The following NAALADL2 variants were observed in gnomAD, a reference collection of about 807,000 sequenced individuals.
NAALADL2 encodes N-acetylated alpha-linked acidic dipeptidase like 2, also known as inactive N-acetylated-alpha-linked acidic dipeptidase-like protein 2.
A neutral mutation model predicts 87.2 loss-of-function variants in NAALADL2; 76 were observed. The ratio of observed to expected loss-of-function variants is 0.87; its 90% CI spans 0.72 to 1.05. The LOEUF (loss-of-function observed/expected upper bound fraction) is 1.05, where lower values mean the gene tolerates loss of function less well. Among genes scored for constraint, NAALADL2 ranks in the 50% least tolerant of loss-of-function variants. The pLI, the probability that NAALADL2 is intolerant of heterozygous loss-of-function variation, is 0.00. For missense variants in NAALADL2, 1,089 were observed against 945.8 expected, an observed-to-expected ratio of 1.15 and a Z score of -1.99; for synonymous variants, 354 against 331.0, an observed-to-expected ratio of 1.07 and a Z score of -0.75.
chr3:175,080,001 T>C (rs1246983468), intron 1 of NAALADL2, among the ~76,000 whole-genome samples: 1 of 151,728 alleles, frequency 6.6e-6, no homozygotes, highest in Non-Finnish European at 1.5e-5. Flanking sequence ...AGTCTCTCTT[T>C]GTCACCCAGG....
intron 5 of NAALADL2, 135 bp from the exon 6 acceptor site, chr3:175,447,094 C>G: frequency 1.8e-6 from 1 of 566,786 alleles, no homozygotes; most frequent in Non-Finnish European, 3.0e-6. Flanking sequence ...CAGGGTATAA[C>G]TAAGGAGTAG....
intron 2 of NAALADL2, among the ~76,000 whole-genome samples, chr3:175,230,936 T>C (rs947995987): frequency 6.6e-6 from 1 of 152,114 alleles, no homozygotes; most frequent in South Asian, 2.1e-4. Flanking sequence ...TGCATATGTC[T>C]ATCAGGAAAC....
intron 1 of NAALADL2, among the ~76,000 whole-genome samples, chr3:175,034,543 A>G (rs1560499114): frequency 1.3e-5 from 2 of 152,074 alleles, no homozygotes; most frequent in African/African-American, 4.8e-5. Context: ...TATCAAAGAG[A>G]CTTCCCCTGG....
intron 2 of NAALADL2, among the ~76,000 whole-genome samples, chr3:175,117,711 T>C (rs556210706): frequency 3.2e-4 from 49 of 152,102 alleles, no homozygotes; most frequent in Admixed American, 2.8e-3. Context: ...AGTGCGGCAA[T>C]TCCTCAAGGA....
intron 2 of NAALADL2, among the ~76,000 whole-genome samples, chr3:174,716,992 G>T (rs1017466892): frequency 7.9e-5 from 12 of 151,670 alleles, no homozygotes; most frequent in Non-Finnish European, 1.6e-4. Context: ...TTTTAGAATT[G>T]TTTTTTTTCC....
chr3:175,471,909 A>G (rs1328363691), intron 9 of NAALADL2, among the ~76,000 whole-genome samples, 151 bp downstream of exon 9: 15 of 152,272 alleles, frequency 9.9e-5, no homozygotes, highest in African/African-American at 3.4e-4. Context: ...CATTTTATCA[A>G]TATACCTTAA....
intron 9 of NAALADL2, among the ~76,000 whole-genome samples, chr3:175,509,521 T>A (rs901542081): frequency 6.6e-6 from 1 of 152,240 alleles, no homozygotes; most frequent in Non-Finnish European, 1.5e-5. Context: ...TCCTTTTTTG[T>A]GTATATTATA....
At chr3:174,542,607 C>T (rs1206394600) in intron 1 of NAALADL2, among the ~76,000 whole-genome samples, 2 of 152,074 alleles carry the variant, frequency 1.3e-5, no homozygotes, top group African/African-American at 4.8e-5. Context: ...AGGTAAAAGC[C>T]AGATAAGACT....
chr3:175,057,793 A>G (rs1437184583), intron 1 of NAALADL2, among the ~76,000 whole-genome samples: 1 of 152,230 alleles, frequency 6.6e-6, no homozygotes, highest in Non-Finnish European at 1.5e-5. Context: ...ACTTCAATGT[A>G]AACGGGACTT....
intron 2 of NAALADL2, among the ~76,000 whole-genome samples, chr3:174,680,372 C>T (rs2108824382): frequency 6.6e-6 from 1 of 152,290 alleles, no homozygotes; most frequent in East Asian, 1.9e-4. Flanking sequence ...TTTTGACAGT[C>T]TTTTGATCTG....
At chr3:174,535,284 A>G (rs928499015) in intron 1 of NAALADL2, among the ~76,000 whole-genome samples, 3 of 152,212 alleles carry the variant, frequency 2.0e-5, no homozygotes, top group African/African-American at 7.2e-5. Context: ...TAAAGTACCC[A>G]GATGACTTTT....
intron 11 of NAALADL2, among the ~76,000 whole-genome samples, chr3:175,701,777 A>G (rs1739035508): frequency 6.6e-6 from 1 of 152,220 alleles, no homozygotes; most frequent in African/African-American, 2.4e-5. Flanking sequence ...TTTGTGTTTC[A>G]TATTTCAAAG....
intron 3 of NAALADL2, among the ~76,000 whole-genome samples, chr3:175,235,991 C>T (rs769594463): frequency 1.3e-5 from 2 of 152,070 alleles, no homozygotes; most frequent in South Asian, 2.1e-4. Flanking sequence ...CCTCAATGCC[C>T]GTGCACTTTC....
At position 175,127,509 on chromosome 3, in the gene NAALADL2, A is replaced by G. The variant is rs371478155; in HGVS notation, c.545+30218A>G. The stretch of plus-strand genomic sequence containing the variant: ...GAAATGCCAAGGGCAGACTTTTCCA[A>G]TTATGATGTTGACCATGATATTAAT... On this transcript the variant is annotated intron_variant, in intron 2 of 13. Coordinates refer to ENST00000454872, the MANE Select transcript of NAALADL2 (RefSeq NM_207015.3). Among the ~76,000 whole-genome samples, 33 of 152,302 alleles carry G rather than the reference A, an allele frequency of 2.2e-4. No homozygotes were observed. In the East Asian group the frequency reaches 5.6e-3, roughly 26 times the overall value.
At chr3:175,243,660 G>A (rs1747414982) in intron 3 of NAALADL2, among the ~76,000 whole-genome samples, 1 of 150,090 alleles carries the variant, frequency 6.7e-6, no homozygotes, top group African/African-American at 2.4e-5. Context: ...AGGGTGGAAT[G>A]GACAGAGCCA....
chr3:175,678,575 G>C (rs1041669213), intron 11 of NAALADL2, among the ~76,000 whole-genome samples: 3 of 152,126 alleles, frequency 2.0e-5, no homozygotes, highest in Admixed American at 1.3e-4. Context: ...TCCTTTTTAG[G>C]GACATGGATG....
At chr3:174,846,277 A>C (rs1406302240) in intron 3 of NAALADL2, among the ~76,000 whole-genome samples, 1 of 152,162 alleles carries the variant, frequency 6.6e-6, no homozygotes, top group South Asian at 2.1e-4. Flanking sequence ...TGTGGTCCAG[A>C]GGTATTTTGT....
At chr3:175,475,588 G>A (rs1725581698) in intron 9 of NAALADL2, among the ~76,000 whole-genome samples, 1 of 152,188 alleles carries the variant, frequency 6.6e-6, no homozygotes, top group Admixed American at 6.6e-5. Context: ...ACATATGAAA[G>A]CAGTCCATCT....
chr3:175,739,227 A>G (rs201055597), intron 12 of NAALADL2, among the ~76,000 whole-genome samples: 116 of 151,970 alleles, frequency 7.6e-4, no homozygotes, highest in African/African-American at 2.5e-3. Context: ...GCTAAAATCA[A>G]TTTTTTAAAC....
Sources: gnomAD v4.1 joint callset for allele counts (sites outside exome capture counted in the v4.1 genomes callset) on GRCh38, gnomAD v4.1.1 for gene constraint, MANE v1.5 for transcripts, NCBI Gene and HGNC (gene_info 2026-07-23, HGNC 2026-07-21) for gene names.